The following EVL variants were observed in gnomAD, a reference collection of about 807,000 sequenced individuals.
EVL encodes the protein Enah/Vasp-like.
Under a neutral mutation model 59.6 loss-of-function variants are expected in EVL, and 21 were observed. That is an observed-to-expected ratio of 0.35 (90% CI 0.25 to 0.51). The LOEUF is 0.51. Among genes scored for constraint, EVL ranks in the 20% least tolerant of loss-of-function variants. The probability of loss-of-function intolerance (pLI) is 0.97; values close to 1 mark genes in which losing one functional copy is unlikely to be tolerated. For missense variants in EVL, 462 were observed against 546.6 expected (o/e 0.85, Z 1.54); for synonymous variants, 198 against 203.5 (o/e 0.97, Z 0.23).
chr14:100,064,708 C>T (rs376195202), upstream of EVL, among the ~76,000 whole-genome samples: 1 of 152,164 alleles, frequency 6.6e-6, no homozygotes, highest in Non-Finnish European at 1.5e-5. Context: ...GTCGGGAGTT[C>T]GTGACCAGCC....
chr14:100,078,490 G>A (rs2062215136), intron 1 of EVL, among the ~76,000 whole-genome samples: 1 of 151,992 alleles, frequency 6.6e-6, no homozygotes, highest in Non-Finnish European at 1.5e-5. Context: ...GAAGTGGAAA[G>A]GCAGTAACCT....
At chr14:100,101,006 C>T (rs1487329556) in intron 3 of EVL, among the ~76,000 whole-genome samples, 2 of 152,066 alleles carry the variant, frequency 1.3e-5, no homozygotes, top group South Asian at 2.1e-4. Flanking sequence ...TGTCCATATT[C>T]GCATGCTTGT....
chr14:100,002,512 C>A, intron 1 of EVL, among the ~76,000 whole-genome samples: 1 of 152,140 alleles, frequency 6.6e-6, no homozygotes, highest in East Asian at 1.9e-4. Context: ...AATTTTGCAA[C>A]ACATACCAAT....
intron 3 of EVL, among the ~76,000 whole-genome samples, chr14:100,122,711 G>A (rs1223425649): frequency 2.0e-5 from 3 of 152,246 alleles, no homozygotes; most frequent in African/African-American, 4.8e-5. Flanking sequence ...CAGTTCCCTA[G>A]TGACACCTGA....
At chr14:100,063,411 G>A (rs529527378), upstream of EVL, among the ~76,000 whole-genome samples, 1 of 152,210 alleles carries the variant, frequency 6.6e-6, no homozygotes, top group Non-Finnish European at 1.5e-5. Context: ...GATGATGTTG[G>A]GCTTCTGACC....
chr14:100,103,100 CAAAA>C (rs59534389), intron 3 of EVL, among the ~76,000 whole-genome samples: 3 of 94,468 alleles, frequency 3.2e-5, no homozygotes, highest in Non-Finnish European at 6.9e-5. Context: ...GACTCCGTCT[CAAAA>C]AAAAAAAAAA....
intron 1 of EVL, among the ~76,000 whole-genome samples, chr14:100,021,386 C>T (rs2061121707): frequency 6.6e-6 from 1 of 152,202 alleles, no homozygotes; most frequent in Admixed American, 6.5e-5. Context: ...GCTGTTACCT[C>T]TTGCTTCAAG....
At chr14:100,129,166 C>G (rs1394421886) in intron 6 of EVL, among the ~76,000 whole-genome samples, 1 of 152,228 alleles carries the variant, frequency 6.6e-6, no homozygotes, top group Non-Finnish European at 1.5e-5. Flanking sequence ...TCTTCCCTAA[C>G]CCTTGCTCAT....
intron 1 of EVL, among the ~76,000 whole-genome samples, chr14:100,048,680 A>G (rs1249368287): frequency 1.3e-5 from 2 of 152,210 alleles, no homozygotes; most frequent in Non-Finnish European, 1.5e-5. Context: ...GAACAGCCCA[A>G]ATGTCCTTTG....
chr14:100,058,701 C>A (rs746509016), intron 1 of EVL, among the ~76,000 whole-genome samples: 8 of 152,052 alleles, frequency 5.3e-5, no homozygotes, highest in Admixed American at 1.3e-4. Flanking sequence ...AAGTAGAGAC[C>A]TGAATGCCCA....
intron 1 of EVL, among the ~76,000 whole-genome samples, chr14:100,047,080 G>T (rs1480977884): frequency 7.4e-6 from 1 of 135,646 alleles, no homozygotes; most frequent in African/African-American, 2.8e-5. Flanking sequence ...ACTCAGTTTT[G>T]CAGCCAATAT....
intron 1 of EVL, among the ~76,000 whole-genome samples, chr14:100,005,360 T>C (rs1342052769): frequency 6.6e-6 from 1 of 152,132 alleles, no homozygotes. Flanking sequence ...AATATCAATA[T>C]CTTATTTATT....
At chr14:100,116,429 G>A (rs1258034920) in intron 3 of EVL, among the ~76,000 whole-genome samples, 2 of 152,178 alleles carry the variant, frequency 1.3e-5, no homozygotes, top group Admixed American at 1.3e-4. Context: ...GGAGCCCCAG[G>A]GAGACTTCCC....
chr14:100,023,160 C>T (rs2061154397), intron 1 of EVL, among the ~76,000 whole-genome samples: 1 of 151,438 alleles, frequency 6.6e-6, no homozygotes, highest in African/African-American at 2.4e-5. Context: ...TTCTAGCTGG[C>T]TCTTGGGGTA....
chr14:100,138,015 G>C (rs1888920303), intron 11 of EVL: 3 of 606,738 alleles, frequency 4.9e-6, no homozygotes, highest in Admixed American at 2.9e-5. Context: ...AGGGCAAGGA[G>C]GGCAGTGACC....
intron 3 of EVL, among the ~76,000 whole-genome samples, chr14:100,118,084 C>T (rs558389847): frequency 6.6e-6 from 1 of 152,372 alleles, no homozygotes; most frequent in Non-Finnish European, 1.5e-5. Context: ...CGCTCTTCCT[C>T]CTGCCCTTCC....
chr14:100,084,763 C>A lies in EVL; in HGVS notation c.88C>A (p.Pro30Thr). The A allele has an allele frequency of 6.2e-7, 1 of 1,614,182 alleles. No homozygotes were observed. The highest frequency in any genetic ancestry group is 8.5e-7 in the Non-Finnish European group (1 of 1,180,034). Residue 30 changes from proline to threonine, a missense_variant, in exon 2 of 14, where the codon CCT becomes ACT. Transcript: ENST00000392920. ...CAGTAAGAAATGGGTACCAATCAAA[C>A]CTGGCCAGCAGGGATTCAGCCGGAT... ...DTSKKWVPIK[P>T]GQQGFSRINI...
intron 1 of EVL, among the ~76,000 whole-genome samples, chr14:100,058,972 A>C (rs1323165820): frequency 6.6e-6 from 1 of 152,224 alleles, no homozygotes; most frequent in Non-Finnish European, 1.5e-5. Context: ...AGAGGAAATG[A>C]GGGGTGAAAC....
At chr14:100,107,015 G>T in intron 3 of EVL, 1 of 398,732 alleles carries the variant, frequency 2.5e-6, no homozygotes, top group Non-Finnish European at 4.4e-6. Flanking sequence ...CGTTGGGTCT[G>T]TGTGACCCTG....
Sources: allele counts gnomAD v4.1 joint callset (sites outside exome capture counted in the v4.1 genomes callset), GRCh38; gene constraint gnomAD v4.1.1; transcripts MANE v1.5; gene names NCBI Gene and HGNC (gene_info 2026-07-23, HGNC 2026-07-21).